Variants in SUGCT observed in about 807,000 individuals in gnomAD.
SUGCT encodes succinyl-CoA:glutarate-CoA transferase, also known as succinyl-CoA:glutarate CoA-transferase.
In SUGCT, 41 loss-of-function variants were observed where a neutral mutation model predicts 55.0. The ratio of observed to expected loss-of-function variants is 0.74; its 90% CI spans 0.58 to 0.97. SUGCT has a LOEUF of 0.97. SUGCT is among the 50% of genes least tolerant of loss of function. SUGCT has a pLI of 0.00. For missense variants in SUGCT, 568 were observed against 547.8 expected (o/e 1.04, Z -0.37); for synonymous variants, 187 against 200.4 (o/e 0.93, Z 0.56).
chr7:40,805,533 T>C (rs550822876), intron 13 of SUGCT, among the ~76,000 whole-genome samples: 83 of 152,350 alleles, frequency 5.4e-4, no homozygotes, highest in African/African-American at 1.9e-3. Context: ...AACTCACTGC[T>C]TCTGAATAAT....
intron 12 of SUGCT, among the ~76,000 whole-genome samples, chr7:40,532,402 A>T (rs4720367): frequency 6.6e-6 from 1 of 151,890 alleles, no homozygotes; most frequent in African/African-American, 2.4e-5. Flanking sequence ...TAAGCATTAG[A>T]TAGGTATCTG....
rs367965864 is a variant in SUGCT at position 40,219,779 on chromosome 7, G to A, written c.485-17856G>A. Among the ~76,000 whole-genome samples, 91 of 152,192 alleles carry A rather than the reference G, an allele frequency of 6.0e-4. 2 individuals carry two copies. In the South Asian group the frequency reaches 0.017, roughly 29 times the overall value. ...CACCAAAGGGCAGAAAAAAACCTGT[G>A]TAAATAATACCTTAAATTAAAATTA... On this transcript the variant is annotated intron_variant, in intron 6 of 13. Coordinates refer to ENST00000335693, the MANE Select transcript of SUGCT (RefSeq NM_001193313.2).
chr7:40,168,439 T>A (rs1784521368), intron 1 of SUGCT, among the ~76,000 whole-genome samples: 1 of 152,196 alleles, frequency 6.6e-6, no homozygotes, highest in African/African-American at 2.4e-5. Context: ...GGGCTCTATT[T>A]GAAGAACAAT....
intron 12 of SUGCT, among the ~76,000 whole-genome samples, chr7:40,665,432 AAAATAAAT>A (rs59090658): frequency 0.075 from 10,474 of 140,414 alleles, 453 homozygotes; most frequent in Middle Eastern, 0.16. Context: ...TCTATCTCAA[AAAATAAAT>A]AAATAAATAA....
chr7:40,316,476 C>G (rs1795437886), intron 8 of SUGCT, among the ~76,000 whole-genome samples: 1 of 152,124 alleles, frequency 6.6e-6, no homozygotes, highest in Non-Finnish European at 1.5e-5. Context: ...GACCACGGTT[C>G]CATCTGCTTG....
At chr7:40,407,598 T>C (rs1229749591) in intron 9 of SUGCT, among the ~76,000 whole-genome samples, 2 of 152,072 alleles carry the variant, frequency 1.3e-5, no homozygotes, top group African/African-American at 2.4e-5. Flanking sequence ...GTGTTAAGTA[T>C]TGAAGAATGA....
In SUGCT at chr7:40,439,062, GTGTATATATATA is replaced by G. The variant is rs1271510437; in HGVS notation, c.817-10223_817-10212del. Among the ~76,000 whole-genome samples the G allele has an allele frequency of 2.9e-3, 138 of 47,026 alleles. 9 individuals carry two copies. Among genetic ancestry groups the G allele is most frequent in the African/African-American group, 5.4e-3 (86 of 15,878 alleles). 30.9% of individuals were successfully genotyped at this position (47,026 alleles called of 152,430 possible). The stretch of plus-strand genomic sequence containing the variant: ...TATATATATATATGGTATATATATG[GTGTATATATATA>G]TATATATATATATATATATATATAT... On this transcript the variant is annotated intron_variant, in intron 9 of 13. Coordinates refer to ENST00000335693, the MANE Select transcript of SUGCT (RefSeq NM_001193313.2).
chr7:40,149,735 T>A (rs544663072), intron 1 of SUGCT, among the ~76,000 whole-genome samples: 41 of 152,256 alleles, frequency 2.7e-4, no homozygotes, highest in African/African-American at 9.6e-4. Context: ...CTGGCCATCA[T>A]GGTGAAACCC....
the SUGCT span, among the ~76,000 whole-genome samples, chr7:40,893,315 AATGTT>A: frequency 6.6e-6 from 1 of 152,212 alleles, no homozygotes; most frequent in Non-Finnish European, 1.5e-5. Flanking sequence ...ATACTGTTCA[AATGTT>A]ATAGATCAAA....
chr7:40,655,474 C>T (rs1312827139), intron 12 of SUGCT, among the ~76,000 whole-genome samples: 1 of 152,130 alleles, frequency 6.6e-6, no homozygotes, highest in Non-Finnish European at 1.5e-5. Context: ...CACTAAACTT[C>T]ATAGGAAAGC....
chr7:40,655,097 C>T (rs954908909), intron 12 of SUGCT, among the ~76,000 whole-genome samples: 2 of 152,042 alleles, frequency 1.3e-5, no homozygotes, highest in African/African-American at 2.4e-5. Flanking sequence ...AGTTCAAGAC[C>T]AGCCTGGACA....
At chr7:40,782,565 T>TG (rs1789809179) in intron 13 of SUGCT, 1 of 152,156 alleles carries the variant, frequency 6.6e-6, no homozygotes, top group African/African-American at 2.4e-5. Flanking sequence ...GCCACCACAT[T>TG]TAGGTCATTG....
chr7:41,018,057 C>T, the SUGCT span, among the ~76,000 whole-genome samples: 2,046 of 151,870 alleles, frequency 0.013, 46 homozygotes, highest in African/African-American at 0.045. Context: ...GGAAGGCAGC[C>T]CTAAGGAACA....
intron 1 of SUGCT, among the ~76,000 whole-genome samples, chr7:40,177,408 C>G (rs1020551386): frequency 2.2e-5 from 3 of 138,902 alleles, no homozygotes; most frequent in Non-Finnish European, 4.7e-5. Flanking sequence ...TGGCGGCCCT[C>G]TAAATCTGCT....
the SUGCT span, among the ~76,000 whole-genome samples, chr7:40,928,590 C>T: frequency 1.3e-5 from 2 of 149,606 alleles, no homozygotes; most frequent in Admixed American, 6.6e-5. Flanking sequence ...TCTTTGAGGA[C>T]AGTAAAACTC....
intron 12 of SUGCT, among the ~76,000 whole-genome samples, chr7:40,562,314 A>T (rs1257995830): frequency 6.6e-6 from 1 of 150,864 alleles, no homozygotes; most frequent in East Asian, 2.0e-4. Flanking sequence ...AAAAAAAAAA[A>T]GGTGAATGCC....
chr7:40,795,180 C>T (rs769845981), intron 13 of SUGCT, among the ~76,000 whole-genome samples: 16 of 151,822 alleles, frequency 1.1e-4, no homozygotes, highest in Non-Finnish European at 2.1e-4. Context: ...ATAACTTATA[C>T]CCCTGTCTTC....
intron 9 of SUGCT, among the ~76,000 whole-genome samples, chr7:40,406,070 C>T (rs183329282): frequency 1.3e-5 from 2 of 152,028 alleles, no homozygotes; most frequent in African/African-American, 4.8e-5. Context: ...TAGGGTTTTT[C>T]GAAGGTAGTT....
At chr7:40,727,417 T>C (rs1786666035) in intron 12 of SUGCT, among the ~76,000 whole-genome samples, 1 of 152,148 alleles carries the variant, frequency 6.6e-6, no homozygotes, top group South Asian at 2.1e-4. Context: ...ATTGGACCAT[T>C]CTCCTCTCTT....
Sources: gnomAD v4.1 joint callset for allele counts (sites outside exome capture counted in the v4.1 genomes callset) on GRCh38, gnomAD v4.1.1 for gene constraint, MANE v1.5 for transcripts, NCBI Gene and HGNC (gene_info 2026-07-23, HGNC 2026-07-21) for gene names.